Variants in BNC2 observed in about 807,000 individuals in gnomAD.
BNC2 encodes the protein basonuclin zinc finger protein 2.
A neutral mutation model predicts 76.3 loss-of-function variants in BNC2; 20 were observed. That is an observed-to-expected ratio of 0.26 (90% CI 0.18 to 0.38). BNC2 has a LOEUF of 0.38. Ranked by LOEUF, BNC2 falls within the 10% of genes least tolerant of loss-of-function variation. The pLI is 1.00. For missense variants in BNC2, 1,382 were observed against 1,399.8 expected, an observed-to-expected ratio of 0.99 and a Z score of 0.20; for synonymous variants, 582 against 514.8, an observed-to-expected ratio of 1.13 and a Z score of -1.77.
chr9:16,420,094 A>G (rs1243869544), intron 6 of BNC2, among the ~76,000 whole-genome samples: 3 of 152,216 alleles, frequency 2.0e-5, no homozygotes, highest in Admixed American at 1.3e-4. Context: ...AAAAGTAAAC[A>G]TCTTTTCTAT....
rs528394453 is a variant in BNC2, at chr9:16,720,824, G to A, written c.330+6973C>T. ...TCTATGAATGAAGAAAACATACAGC[G>A]ATTCCTCTCTTCTCCTGATCTCTGC... On this transcript the variant is annotated intron_variant, in intron 3 of 6. Coordinates refer to ENST00000380672, the MANE Select transcript of BNC2 (RefSeq NM_017637.6). Among the ~76,000 whole-genome samples the A allele has an allele frequency of 9.2e-5, 14 of 152,168 alleles. No homozygotes were observed. In the East Asian group the frequency reaches 1.7e-3, roughly 19 times the overall value.
At chr9:16,684,464 G>T (rs1356875670) in intron 3 of BNC2, among the ~76,000 whole-genome samples, 3 of 152,110 alleles carry the variant, frequency 2.0e-5, no homozygotes, top group Non-Finnish European at 4.4e-5. Flanking sequence ...GTGTGCTAGA[G>T]ATGGCATACC....
At chr9:16,672,950 T>C (rs1822523669) in intron 3 of BNC2, among the ~76,000 whole-genome samples, 1 of 152,142 alleles carries the variant, frequency 6.6e-6, no homozygotes, top group Non-Finnish European at 1.5e-5. Flanking sequence ...GAAAGCAGGG[T>C]AAACAACACG....
At chr9:16,708,898 G>C (rs914576931) in intron 3 of BNC2, among the ~76,000 whole-genome samples, 1 of 152,122 alleles carries the variant, frequency 6.6e-6, no homozygotes, top group African/African-American at 2.4e-5. Flanking sequence ...CTGGGTAGAT[G>C]TCAGGGGACT....
At position 16,565,765 on chromosome 9, in the gene BNC2, G is replaced by A. The variant is rs147382454; in HGVS notation, c.434-13000C>T. ...CGAGGCTGCAGTGAGCCAAGATTGC[G>A]CCACTGCACTCCAGCCTAAGCAAAA... On this transcript the variant is annotated intron_variant, in intron 4 of 6. Transcript: ENST00000380672. Among the ~76,000 whole-genome samples, 950 of 150,562 alleles carry A rather than the reference G, an allele frequency of 6.3e-3. 11 individuals are homozygous for A. The highest frequency in any genetic ancestry group is 0.022 in the African/African-American group (907 of 40,872).
intron 3 of BNC2, among the ~76,000 whole-genome samples, chr9:16,599,535 G>A (rs1377061191): frequency 4.6e-5 from 7 of 152,212 alleles, no homozygotes; most frequent in African/African-American, 1.2e-4. Context: ...TGTAATCCCA[G>A]CACTTTGGGA....
chr9:16,464,094 CAAAAAAAAAAAAAA>C (rs1324549679), intron 5 of BNC2, among the ~76,000 whole-genome samples: 2 of 34,758 alleles, frequency 5.8e-5, no homozygotes, highest in Non-Finnish European at 8.0e-5. Context: ...ACCCTGTCTC[CAAAAAAAAAAAAAA>C]AAAAAGAAAG....
At chr9:16,812,088 G>A (rs188847664) in intron 1 of BNC2, among the ~76,000 whole-genome samples, 2 of 152,318 alleles carry the variant, frequency 1.3e-5, no homozygotes, top group Non-Finnish European at 2.9e-5. Flanking sequence ...GGGACTGGCA[G>A]GGAAGGAACC....
At chr9:16,426,932 T>C (rs921253155) in intron 6 of BNC2, among the ~76,000 whole-genome samples, 3 of 152,196 alleles carry the variant, frequency 2.0e-5, no homozygotes, top group East Asian at 3.9e-4. Flanking sequence ...TGTATCACCA[T>C]ATAGCACTGA....
chr9:16,689,135 T>C lies in BNC2; in HGVS notation c.330+38662A>G, dbSNP rs76329402. On this transcript the variant is annotated intron_variant, in intron 3 of 6. Transcript: ENST00000380672. ...ACACATAACCACACACACACACACA[T>C]ACACACACTCTTTGTTTACTGAGAT... 3.4e-3 allele frequency among the ~76,000 whole-genome samples: 317 copies of C among 94,366 alleles called. 1 individual carries two copies. The highest frequency in any genetic ancestry group is 4.5e-3 in the South Asian group (13 of 2,910). The allele number at this position is 94,366 out of a possible 152,430, so 61.9% of individuals were successfully genotyped here. A position where few individuals can be genotyped will look rare whatever the true frequency, so the allele number is the denominator to read the frequency against.
At chr9:16,491,548 G>T (rs1195844124) in intron 5 of BNC2, among the ~76,000 whole-genome samples, 3 of 152,112 alleles carry the variant, frequency 2.0e-5, no homozygotes. Context: ...TGATAGCTGG[G>T]GAAATGGCAG....
intron 5 of BNC2, among the ~76,000 whole-genome samples, chr9:16,500,515 A>G (rs1021505407): frequency 6.6e-6 from 1 of 152,204 alleles, no homozygotes; most frequent in Non-Finnish European, 1.5e-5. Flanking sequence ...CATTTCACTC[A>G]CTTGAAGTAT....
intron 3 of BNC2, among the ~76,000 whole-genome samples, chr9:16,592,283 C>T (rs1311064538): frequency 5.3e-5 from 8 of 152,078 alleles, no homozygotes; most frequent in Non-Finnish European, 1.0e-4. Flanking sequence ...TTATAAAACG[C>T]TATCCCTCCA....
intron 1 of BNC2, among the ~76,000 whole-genome samples, chr9:16,822,255 C>G (rs1360714706): frequency 6.6e-6 from 1 of 152,088 alleles, no homozygotes; most frequent in East Asian, 1.9e-4. Context: ...GTACCCTCCT[C>G]TACTATATAT....
At position 16,637,767 on chromosome 9, in the gene BNC2, A is replaced by G. The variant is rs114420858; in HGVS notation, c.331-54682T>C. On this transcript the variant is annotated intron_variant, in intron 3 of 6. Coordinates refer to ENST00000380672, the MANE Select transcript of BNC2 (RefSeq NM_017637.6). ...TGCCCCAGCTACTAGAAATTTTAAG[A>G]TACAAATGAAACTAGATTAAAAGAA... Among the ~76,000 whole-genome samples, 986 of 152,350 alleles carry G rather than the reference A, an allele frequency of 6.5e-3. 12 individuals are homozygous for G. Among genetic ancestry groups the G allele is most frequent in the African/African-American group, 0.022 (921 of 41,572 alleles).
At chr9:16,536,149 T>G (rs1343510801) in intron 5 of BNC2, among the ~76,000 whole-genome samples, 1 of 152,126 alleles carries the variant, frequency 6.6e-6, no homozygotes, top group Non-Finnish European at 1.5e-5. Context: ...TTTACTCACT[T>G]TAAAAAAAAA....
chr9:16,570,903 CAG>C (rs1302040406), intron 4 of BNC2, among the ~76,000 whole-genome samples: 6 of 152,072 alleles, frequency 3.9e-5, no homozygotes, highest in African/African-American at 9.7e-5. Context: ...AATAAAGAAA[CAG>C]AGGGGATATA....
At chr9:16,796,442 G>T (rs767906318) in intron 1 of BNC2, among the ~76,000 whole-genome samples, 1 of 152,062 alleles carries the variant, frequency 6.6e-6, no homozygotes, top group African/African-American at 2.4e-5. Context: ...AAGCAAGGAA[G>T]TATAGGAGAC....
intron 5 of BNC2, among the ~76,000 whole-genome samples, chr9:16,470,868 G>A (rs1279474695): frequency 6.6e-6 from 1 of 152,252 alleles, no homozygotes; most frequent in Non-Finnish European, 1.5e-5. Flanking sequence ...CATAGGGAAG[G>A]AGACCCCACA....
Sources: gnomAD v4.1 joint callset for allele counts (sites outside exome capture counted in the v4.1 genomes callset) on GRCh38, gnomAD v4.1.1 for gene constraint, MANE v1.5 for transcripts, NCBI Gene and HGNC (gene_info 2026-07-23, HGNC 2026-07-21) for gene names.